Variants in EXOC6 observed in about 807,000 individuals in gnomAD.
The protein encoded by EXOC6 is exocyst complex component 6, also known as SEC15-like 1.
EXOC6 carries 60 observed loss-of-function variants against 112.5 expected under a neutral mutation model. That is an observed-to-expected ratio of 0.53 (90% confidence interval 0.43 to 0.66). The LOEUF is 0.66. Ranked by LOEUF, EXOC6 falls within the 30% of genes least tolerant of loss-of-function variation. EXOC6 has a pLI of 0.00. For synonymous variants in EXOC6, 295 were observed against 308.0 expected (o/e 0.96, Z 0.44); for missense variants, 855 against 957.1 (o/e 0.89, Z 1.41).
Position 93,036,231 on chromosome 10 carries a change from GA to G in EXOC6, c.2170-20685del, listed in dbSNP as rs906394449. On this transcript the variant is annotated intron_variant, in intron 20 of 21. Coordinates refer to ENST00000260762, the MANE Select transcript of EXOC6 (RefSeq NM_019053.6). ...GAAACTCCATCTCAAAAAAAAAAAA[GA>G]AAAAAAAGAGAAAGCTCTTATTTTC... Among the ~76,000 whole-genome samples the G allele has an allele frequency of 3.3e-4, 45 of 136,798 alleles. No individual in the cohort carries two copies. The South Asian group carries it at 9.8e-3, about 30-fold the overall frequency. 89.7% of individuals were successfully genotyped at this position (136,798 alleles called of 152,430 possible).
intron 9 of EXOC6, among the ~76,000 whole-genome samples, chr10:92,933,333 T>C (rs1852160715): frequency 6.6e-6 from 1 of 152,168 alleles, no homozygotes; most frequent in Non-Finnish European, 1.5e-5. Context: ...ATGGAATATA[T>C]AGAATCCTAT....
At chr10:92,926,203 TG>T (rs1244417393) in intron 8 of EXOC6, among the ~76,000 whole-genome samples, 1 of 152,078 alleles carries the variant, frequency 6.6e-6, no homozygotes, top group East Asian at 1.9e-4. Flanking sequence ...ATTATCAAAA[TG>T]TATGATATAC....
Position 92,940,776 on chromosome 10 carries a change from G to C in EXOC6, c.1262G>C (p.Arg421Thr). The C allele has an allele frequency of 6.2e-7, 1 of 1,609,632 alleles. No individual in the cohort carries two copies. Among genetic ancestry groups the C allele is most frequent in the East Asian group, 2.2e-5 (1 of 44,596 alleles). ...CTTTTTGACCTTTTATTTGAAATAAGAGACCAATACAATGAAACACTGCTT... is the reference window on the plus strand; with the variant it reads ...CTTTTTGACCTTTTATTTGAAATAACAGACCAATACAATGAAACACTGCTT... ...NRLFDLLFEI[R>T]DQYNETLLKK... The change falls in exon 13 of 22, where the codon AGA becomes ACA. Residue 421 changes from arginine to threonine, a missense_variant. By Grantham distance (71) the Arg-to-Thr change is moderately conservative. Coordinates refer to ENST00000260762, the MANE Select transcript of EXOC6 (RefSeq NM_019053.6).
chr10:92,974,104 A>G lies in EXOC6; in HGVS notation c.1825A>G (p.Ile609Val), dbSNP rs1158790144. The G allele has an allele frequency of 6.2e-7, 1 of 1,603,652 alleles. No individual in the cohort carries two copies. The highest frequency in any genetic ancestry group is 1.3e-5 in the African/African-American group (1 of 74,394). ...GEIYTKLNQK[I>V]DEFVQLADYD... is the part of the protein sequence containing the mutation. ...AATATATACCAAACTGAATCAAAAA[A>G]TTGATGAATTTGTTCAGCTTGCTGA... is the stretch of plus-strand genomic sequence containing the variant. The change falls in exon 18 of 22, where the codon ATT (isoleucine) becomes GTT (valine). Residue 609 changes from isoleucine (I) to valine (V), a missense_variant. By Grantham distance (29) the Ile-to-Val change is conservative (BLOSUM62 3). Transcript: ENST00000260762.
intron 17 of EXOC6, among the ~76,000 whole-genome samples, chr10:92,966,179 A>C (rs78533737): frequency 0.011 from 1,616 of 151,714 alleles, 33 homozygotes; most frequent in African/African-American, 0.037. Flanking sequence ...GCAATAAATA[A>C]ATTTTTATGT....
chr10:92,979,001 A>G (rs773397067), intron 18 of EXOC6, among the ~76,000 whole-genome samples: 2 of 152,226 alleles, frequency 1.3e-5, no homozygotes, highest in African/African-American at 4.8e-5. Context: ...ATATTGTCCA[A>G]TAGTGCAAAA....
chr10:92,901,407 C>A (rs1027961640), intron 5 of EXOC6: 3 of 151,786 alleles, frequency 2.0e-5, no homozygotes, highest in African/African-American at 7.2e-5. Context: ...TTATTCCCCA[C>A]CACCACCTTT....
At chr10:92,852,920 A>C (rs1269449990) in intron 1 of EXOC6, among the ~76,000 whole-genome samples, 4 of 152,178 alleles carry the variant, frequency 2.6e-5, no homozygotes, top group Non-Finnish European at 5.9e-5. Context: ...TAAGGCCGGT[A>C]TAATAAGACC....
chr10:92,940,894 A>G, intron 13 of EXOC6, 70 bp downstream of exon 13: 1 of 952,470 alleles, frequency 1.0e-6, no homozygotes. Flanking sequence ...TCATTTGCAT[A>G]TATTAATAAA....
At chr10:92,911,300 T>C (rs1850748059) in intron 6 of EXOC6, among the ~76,000 whole-genome samples, 1 of 152,204 alleles carries the variant, frequency 6.6e-6, no homozygotes, top group Non-Finnish European at 1.5e-5. Flanking sequence ...TCTTCCCCAT[T>C]ATAGAGCTCC....
intron 1 of EXOC6, among the ~76,000 whole-genome samples, chr10:92,883,120 G>A (rs926607365): frequency 1.3e-5 from 2 of 152,192 alleles, no homozygotes; most frequent in African/African-American, 4.8e-5. Flanking sequence ...AACAATTCAT[G>A]TGCTTCTGTT....
chr10:92,921,590 A>C (rs901020457), intron 8 of EXOC6, among the ~76,000 whole-genome samples: 3 of 149,680 alleles, frequency 2.0e-5, no homozygotes, highest in African/African-American at 4.9e-5. Context: ...TTAACATCTT[A>C]CTTTAAAACA....
At chr10:93,028,799 A>G (rs144394126) in intron 20 of EXOC6, among the ~76,000 whole-genome samples, 1 of 145,420 alleles carries the variant, frequency 6.9e-6, no homozygotes, top group Non-Finnish European at 1.5e-5. Flanking sequence ...GTGCCATTGC[A>G]CTCCAGCCTG....
intron 1 of EXOC6, among the ~76,000 whole-genome samples, chr10:92,864,661 G>A (rs1848088982): frequency 6.6e-6 from 1 of 151,158 alleles, no homozygotes; most frequent in Admixed American, 6.6e-5. Flanking sequence ...GCCTCAAATG[G>A]AATAAAAAGG....
At chr10:93,023,964 C>T (rs895725554) in intron 20 of EXOC6, among the ~76,000 whole-genome samples, 1 of 151,948 alleles carries the variant, frequency 6.6e-6, no homozygotes, top group Non-Finnish European at 1.5e-5. Flanking sequence ...TTTTAATCGC[C>T]AAAGCTTTTT....
intron 4 of EXOC6, among the ~76,000 whole-genome samples, chr10:92,897,665 T>C (rs113618204): frequency 0.015 from 2,290 of 152,208 alleles, 53 homozygotes; most frequent in African/African-American, 0.052. Flanking sequence ...CTGAGACAAA[T>C]CCATATCTGA....
At chr10:92,873,370 A>G (rs1242084516) in intron 1 of EXOC6, among the ~76,000 whole-genome samples, 3 of 152,208 alleles carry the variant, frequency 2.0e-5, no homozygotes, top group South Asian at 2.1e-4. Context: ...GGCAATGTTA[A>G]CTAACACACG....
intron 12 of EXOC6, among the ~76,000 whole-genome samples, chr10:92,939,429 G>A: frequency 6.6e-6 from 1 of 151,954 alleles, no homozygotes; most frequent in Non-Finnish European, 1.5e-5. Flanking sequence ...ATGTGTGTGT[G>A]GCAGGGGTGG....
intron 5 of EXOC6, among the ~76,000 whole-genome samples, 196 bp from the exon 6 acceptor site, chr10:92,909,231 A>C (rs927499770): frequency 7.9e-5 from 12 of 152,208 alleles, no homozygotes; most frequent in African/African-American, 2.9e-4. Flanking sequence ...TATGCCATCA[A>C]CTTTGAGCCT....
Sources: gnomAD v4.1 joint callset for allele counts (sites outside exome capture counted in the v4.1 genomes callset) on GRCh38, gnomAD v4.1.1 for gene constraint, MANE v1.5 for transcripts, NCBI Gene and HGNC (gene_info 2026-07-23, HGNC 2026-07-21) for gene names.